Variants in SP100 observed in about 807,000 individuals in gnomAD.
The protein encoded by SP100 is SP100 nuclear body protein, also known as nuclear autoantigen Sp-100.
In SP100, 84 loss-of-function variants were observed where a neutral mutation model predicts 130.0. That is an observed-to-expected ratio of 0.65 (90% CI 0.54 to 0.77). The LOEUF is 0.77. Among genes scored for constraint, SP100 ranks in the 30% least tolerant of loss-of-function variants. The pLI is 0.00. For missense variants in SP100, 978 were observed against 1,052.2 expected (o/e 0.93, Z 0.97); for synonymous variants, 331 against 351.7 (o/e 0.94, Z 0.66).
chr2:230,497,761 G>C (rs550033194), intron 18 of SP100, among the ~76,000 whole-genome samples: 1 of 152,246 alleles, frequency 6.6e-6, no homozygotes, highest in South Asian at 2.1e-4. Context: ...TAACCCTAAG[G>C]CTTTCTGGGA....
intron 6 of SP100, 174 bp from the exon 7 acceptor site, chr2:230,449,387 G>A (rs1284832174): frequency 2.4e-6 from 2 of 818,662 alleles, no homozygotes; most frequent in Admixed American, 2.0e-5. Context: ...CGCTGAGCCT[G>A]GTCGTTTTAC....
chr2:230,430,897 G>GT (rs1466667230), intron 2 of SP100, among the ~76,000 whole-genome samples: 1 of 152,262 alleles, frequency 6.6e-6, no homozygotes, highest in African/African-American at 2.4e-5. Context: ...GTTAGGCAGG[G>GT]TGGCTGGCTT....
intron 17 of SP100, among the ~76,000 whole-genome samples, chr2:230,482,807 T>C (rs1042767856): frequency 2.6e-5 from 4 of 152,158 alleles, no homozygotes; most frequent in African/African-American, 9.7e-5. Flanking sequence ...TTTTATAACG[T>C]ATTAATATCA....
At chr2:230,478,982 G>A (rs2065699466) in intron 17 of SP100, among the ~76,000 whole-genome samples, 1 of 152,060 alleles carries the variant, frequency 6.6e-6, no homozygotes, top group South Asian at 2.1e-4. Flanking sequence ...CACCATGCCT[G>A]GCTAATTTTT....
intron 25 of SP100, among the ~76,000 whole-genome samples, chr2:230,540,506 G>A (rs1362519986): frequency 1.3e-5 from 2 of 152,152 alleles, no homozygotes; most frequent in African/African-American, 4.8e-5. Flanking sequence ...ATTTTTCTGT[G>A]ATCTGATTGA....
intron 24 of SP100, chr2:230,538,958 T>A (rs1211533461): frequency 1.6e-5 from 4 of 246,908 alleles, no homozygotes; most frequent in Non-Finnish European, 3.3e-5. Flanking sequence ...GAAAAGACAC[T>A]ATTTCTGGGC....
chr2:230,440,073 G>T (rs2063422555), intron 2 of SP100, among the ~76,000 whole-genome samples: 1 of 152,074 alleles, frequency 6.6e-6, no homozygotes, highest in Non-Finnish European at 1.5e-5. Context: ...ACACTTAATG[G>T]TGCTGCTAAG....
intron 17 of SP100, among the ~76,000 whole-genome samples, chr2:230,487,332 C>G (rs76055413): frequency 3.3e-5 from 5 of 152,054 alleles, no homozygotes; most frequent in African/African-American, 1.2e-4. Context: ...TTAATCCATC[C>G]TGAGTTAATT....
chr2:230,464,334 T>C (rs138810833), intron 11 of SP100, among the ~76,000 whole-genome samples, 184 bp downstream of exon 11: 1 of 152,276 alleles, frequency 6.6e-6, no homozygotes, highest in East Asian at 1.9e-4. Context: ...ATTAGGAAGG[T>C]GTTATAAACT....
At chr2:230,453,144 G>A (rs1032087233) in intron 8 of SP100, among the ~76,000 whole-genome samples, 1 of 152,142 alleles carries the variant, frequency 6.6e-6, no homozygotes, top group Non-Finnish European at 1.5e-5. Flanking sequence ...AAGCAAACAC[G>A]TCCTTCTTTA....
intron 18 of SP100, among the ~76,000 whole-genome samples, chr2:230,497,494 GAGGAGAGGAGAGGAGAGGAGAGGA>G (rs1559520385): frequency 0.031 from 807 of 25,952 alleles, 38 homozygotes; most frequent in Non-Finnish European, 0.038. Context: ...GAGGGGAGGA[GAGGAGAGGAGAGGAGAGGAGAGGA>G]GAGGAGAGGA....
At position 230,457,447 on chromosome 2, in the gene SP100, T is replaced by C. The variant is rs895220368; in HGVS notation, c.821-3815T>C. ...GAGTCCTGGGGCTGCAGGATTTAGG[T>C]TGGGGTCAGAGTGAGCTTGGAGGTT... On this transcript the variant is annotated intron_variant, in intron 8 of 28. Coordinates refer to ENST00000340126, the MANE Select transcript of SP100 (RefSeq NM_001080391.2). Among the ~76,000 whole-genome samples, 6 of 152,132 alleles carry C rather than the reference T, an allele frequency of 3.9e-5. No individual in the cohort carries two copies. The South Asian group carries it at 1.2e-3, about 32-fold the overall frequency.
intron 17 of SP100, among the ~76,000 whole-genome samples, chr2:230,483,569 C>G (rs1215116857): frequency 6.6e-6 from 1 of 152,056 alleles, no homozygotes; most frequent in Non-Finnish European, 1.5e-5. Context: ...GTGAGAACTT[C>G]CTCTGGATTC....
intron 2 of SP100, among the ~76,000 whole-genome samples, chr2:230,421,504 CATAT>C: frequency 6.8e-6 from 1 of 146,280 alleles, no homozygotes; most frequent in South Asian, 2.2e-4. Flanking sequence ...AGAAGATATA[CATAT>C]ATATATATAT....
chr2:230,482,594 G>T (rs1168541494), intron 17 of SP100, among the ~76,000 whole-genome samples: 6 of 151,412 alleles, frequency 4.0e-5, no homozygotes, highest in African/African-American at 1.5e-4. Flanking sequence ...TTTTAGTGTG[G>T]CATAATGTAA....
chr2:230,518,182 C>T (rs913436661), intron 24 of SP100, among the ~76,000 whole-genome samples: 6 of 152,148 alleles, frequency 3.9e-5, no homozygotes, highest in Admixed American at 1.3e-4. Context: ...TAACTTTCTT[C>T]GCTTTTCTCT....
intron 20 of SP100, among the ~76,000 whole-genome samples, chr2:230,503,372 A>G (rs1428825265): frequency 2.0e-5 from 3 of 152,294 alleles, no homozygotes; most frequent in South Asian, 2.1e-4. Flanking sequence ...TACGTAATAG[A>G]TAGAAATACT....
intron 2 of SP100, among the ~76,000 whole-genome samples, chr2:230,440,137 T>C (rs190608922): frequency 2.0e-5 from 3 of 152,238 alleles, no homozygotes; most frequent in African/African-American, 2.4e-5. Flanking sequence ...TCATCACTTC[T>C]CTTCAACATT....
chr2:230,541,285 C>G lies in SP100; in HGVS notation c.2332-16C>G, dbSNP rs776760445. The stretch of plus-strand genomic sequence containing the variant: ...CTAAATTGCATTTAATTTGAAATGG[C>G]CTCCATCTTTTGCAGAAATGTGAAT... On this transcript the variant is annotated splice_polypyrimidine_tract_variant and intron_variant, in intron 26 of 28. Coordinates refer to ENST00000340126, the MANE Select transcript of SP100 (RefSeq NM_001080391.2). 2.5e-6 allele frequency: 4 copies of G among 1,611,044 alleles called. No homozygotes were observed. Among genetic ancestry groups the G allele is most frequent in the Non-Finnish European group, 3.4e-6 (4 of 1,177,782 alleles).
Sources: gnomAD v4.1 joint callset for allele counts (sites outside exome capture counted in the v4.1 genomes callset) on GRCh38, gnomAD v4.1.1 for gene constraint, MANE v1.5 for transcripts, NCBI Gene and HGNC (gene_info 2026-07-23, HGNC 2026-07-21) for gene names.